IL1RAPL1: variants seen among roughly 807,000 people sequenced by gnomAD.
IL1RAPL1 encodes interleukin-1 receptor accessory protein-like 1.
IL1RAPL1 carries 3 observed loss-of-function variants against 48.4 expected under a neutral mutation model. The ratio of observed to expected loss-of-function variants is 0.06; its 90% CI spans 0.03 to 0.16. IL1RAPL1 has a LOEUF of 0.16. Ranked by LOEUF, IL1RAPL1 falls within the 10% of genes least tolerant of loss-of-function variation. The pLI is 1.00. For synonymous variants in IL1RAPL1, 185 were observed against 187.7 expected (o/e 0.99, Z 0.12); for missense variants, 349 against 530.6 (o/e 0.66, Z 3.36).
intron 3 of IL1RAPL1, among the ~76,000 whole-genome samples, chrX:29,347,473 C>A (rs1232298185): frequency 9.4e-6 from 1 of 106,048 alleles, no homozygotes; most frequent in Non-Finnish European, 1.9e-5. Context: ...ACTACAGCCT[C>A]AACCTCCCCA....
chrX:29,804,804 T>C (rs1389545590), intron 6 of IL1RAPL1, among the ~76,000 whole-genome samples: 2 of 112,233 alleles, frequency 1.8e-5, no homozygotes, highest in Non-Finnish European at 3.8e-5. Flanking sequence ...TGTAATTAAA[T>C]ATACTAGTTT....
intron 6 of IL1RAPL1, among the ~76,000 whole-genome samples, chrX:29,895,545 C>A (rs889160120): frequency 8.9e-6 from 1 of 112,627 alleles, no homozygotes; most frequent in African/African-American, 3.2e-5. Context: ...GAGCGAGACT[C>A]CGTCTCAAAG....
At chrX:29,892,244 C>A (rs900222493) in intron 6 of IL1RAPL1, among the ~76,000 whole-genome samples, 1 of 111,737 alleles carries the variant, frequency 8.9e-6, no homozygotes, top group Non-Finnish European at 1.9e-5. Flanking sequence ...TTTCATAGTT[C>A]TCTGGCATTG....
At chrX:29,186,354 G>A (rs1303163837) in intron 2 of IL1RAPL1, among the ~76,000 whole-genome samples, 2 of 111,792 alleles carry the variant, frequency 1.8e-5, no homozygotes, top group East Asian at 2.8e-4. Context: ...TCAACTATTA[G>A]GATGCCAGAA....
At chrX:29,071,047 A>G (rs763809479) in intron 2 of IL1RAPL1, among the ~76,000 whole-genome samples, 2 of 111,832 alleles carry the variant, frequency 1.8e-5, no homozygotes, top group Non-Finnish European at 3.8e-5. Context: ...TGATATTACC[A>G]TGTAATTGAA....
chrX:28,660,851 T>C (rs2146909159), intron 1 of IL1RAPL1, among the ~76,000 whole-genome samples: 1 of 111,892 alleles, frequency 8.9e-6, no homozygotes, highest in African/African-American at 3.2e-5. Flanking sequence ...GAAGAAAGTA[T>C]TACAAGTATA....
intron 1 of IL1RAPL1, among the ~76,000 whole-genome samples, chrX:28,748,919 C>T (rs1229074984): frequency 1.8e-5 from 2 of 111,074 alleles, no homozygotes; most frequent in Non-Finnish European, 3.8e-5. Flanking sequence ...ACTCATTGAC[C>T]AACTTCTCTC....
chrX:29,189,546 T>G (rs1403881887), intron 2 of IL1RAPL1, among the ~76,000 whole-genome samples: 1 of 111,430 alleles, frequency 9.0e-6, no homozygotes, highest in Admixed American at 9.6e-5. Context: ...ATAAAGTAAG[T>G]GTTCACCTGT....
In IL1RAPL1 at chrX:29,122,080, A is replaced by G. The variant is rs375642138; in HGVS notation, c.83-160858A>G. On this transcript the variant is annotated intron_variant, in intron 2 of 10. Coordinates refer to ENST00000378993, the MANE Select transcript of IL1RAPL1 (RefSeq NM_014271.4). ...TCTGAAATACTCTTATTCAACAAGCAAGAGTATTCATCCAGCATTAGGAAA... is the reference window on the plus strand; with the variant it reads ...TCTGAAATACTCTTATTCAACAAGCGAGAGTATTCATCCAGCATTAGGAAA... Among the ~76,000 whole-genome samples the G allele has an allele frequency of 8.1e-5, 9 of 111,269 alleles. No homozygotes were observed. The East Asian group carries it at 8.5e-4, about 10-fold the overall frequency.
At chrX:29,727,314 C>A (rs998353483) in intron 6 of IL1RAPL1, among the ~76,000 whole-genome samples, 1 of 111,960 alleles carries the variant, frequency 8.9e-6, no homozygotes, top group African/African-American at 3.3e-5. Flanking sequence ...GTGAAATAGA[C>A]AGTGCCAGAT....
At chrX:29,886,338 T>C (rs1932167418) in intron 6 of IL1RAPL1, among the ~76,000 whole-genome samples, 1 of 112,443 alleles carries the variant, frequency 8.9e-6, no homozygotes, top group South Asian at 3.6e-4. Context: ...AACTTATTCC[T>C]TTTCATCTGT....
chrX:29,715,869 A>G (rs1601792524), intron 6 of IL1RAPL1, among the ~76,000 whole-genome samples: 1 of 112,067 alleles, frequency 8.9e-6, no homozygotes, highest in African/African-American at 3.2e-5. Flanking sequence ...ATGGAAGATA[A>G]TTAAGATCCA....
rs1247308053 is a variant in IL1RAPL1, at chrX:29,523,976, C to T, written c.703+124668C>T. ...TGCTGTTTCTGTCTTTTCTTTTTGC[C>T]TTTCCCCTAGCTGAAACAAGGATGA... On this transcript the variant is annotated intron_variant, in intron 5 of 10. Transcript: ENST00000378993. Among the ~76,000 whole-genome samples, 7 of 110,157 alleles carry T rather than the reference C, an allele frequency of 6.4e-5. No homozygotes were observed. In the Admixed American group the frequency reaches 6.8e-4, roughly 11 times the overall value.
intron 2 of IL1RAPL1, among the ~76,000 whole-genome samples, chrX:29,230,583 C>A (rs1434754002): frequency 1.0e-5 from 1 of 98,672 alleles, no homozygotes; most frequent in Non-Finnish European, 2.0e-5. Flanking sequence ...CCTATTTCAT[C>A]TCCCCATCCC....
chrX:29,625,273 T>C (rs1490361978), intron 5 of IL1RAPL1, among the ~76,000 whole-genome samples: 3 of 112,077 alleles, frequency 2.7e-5, no homozygotes, highest in African/African-American at 9.7e-5. Context: ...AAGAAAAATG[T>C]AAGTCATCTG....
At chrX:29,407,215 C>A (rs1053672342) in intron 5 of IL1RAPL1, among the ~76,000 whole-genome samples, 1 of 111,462 alleles carries the variant, frequency 9.0e-6, no homozygotes, top group African/African-American at 3.3e-5. Context: ...CCCCCATATG[C>A]CCTTCTGATT....
intron 5 of IL1RAPL1, among the ~76,000 whole-genome samples, chrX:29,455,241 A>T (rs1282682691): frequency 8.9e-6 from 1 of 111,760 alleles, no homozygotes; most frequent in African/African-American, 3.3e-5. Context: ...AAAAAAAGAA[A>T]GTATGTGGGA....
chrX:28,832,846 CAG>C (rs1921103619), intron 2 of IL1RAPL1, among the ~76,000 whole-genome samples: 1 of 70,262 alleles, frequency 1.4e-5, no homozygotes, highest in African/African-American at 5.0e-5. Context: ...TTTTTAGATT[CAG>C]GGGGTACATT....
At chrX:28,952,673 G>GAAAACA (rs1461344050) in intron 2 of IL1RAPL1, among the ~76,000 whole-genome samples, 6 of 110,814 alleles carry the variant, frequency 5.4e-5, no homozygotes, top group African/African-American at 2.0e-4. Flanking sequence ...TTGACTCGAA[G>GAAAACA]AAAACAAAAC....
Sources: allele counts gnomAD v4.1 joint callset (sites outside exome capture counted in the v4.1 genomes callset), GRCh38; gene constraint gnomAD v4.1.1; transcripts MANE v1.5; gene names NCBI Gene and HGNC (gene_info 2026-07-23, HGNC 2026-07-21).